SYTL3: variants seen among roughly 807,000 people sequenced by gnomAD.
The protein encoded by SYTL3 is synaptotagmin-like protein 3.
SYTL3 carries 88 observed loss-of-function variants against 82.1 expected under a neutral mutation model. The ratio of observed to expected loss-of-function variants is 1.07; its 90% CI spans 0.90 to 1.28. SYTL3 has a LOEUF of 1.28. Ranked by LOEUF, SYTL3 falls within the 50% of genes most tolerant of loss-of-function variation. The pLI is 0.00. For missense variants in SYTL3, 831 were observed against 757.6 expected, an observed-to-expected ratio of 1.10 and a Z score of -1.14; for synonymous variants, 311 against 289.4, an observed-to-expected ratio of 1.07 and a Z score of -0.76.
intron 6 of SYTL3, among the ~76,000 whole-genome samples, chr6:158,701,742 G>A (rs1196360430): frequency 1.3e-5 from 2 of 151,876 alleles, no homozygotes; most frequent in Admixed American, 1.3e-4. Context: ...CACAACCTGG[G>A]GATCCTCCAA....
chr6:158,754,912 G>T (rs150273849), intron 13 of SYTL3, among the ~76,000 whole-genome samples: 1 of 152,208 alleles, frequency 6.6e-6, no homozygotes, highest in Non-Finnish European at 1.5e-5. Flanking sequence ...TCTAGTAACC[G>T]CTTCATTTCT....
intron 11 of SYTL3, among the ~76,000 whole-genome samples, chr6:158,739,581 T>G (rs1220505446): frequency 1.3e-5 from 2 of 152,090 alleles, no homozygotes; most frequent in Non-Finnish European, 2.9e-5. Context: ...TCTCTCTCTC[T>G]CTGTCTCTTT....
intron 13 of SYTL3, among the ~76,000 whole-genome samples, chr6:158,753,598 C>T (rs947335996): frequency 1.1e-4 from 17 of 151,766 alleles, no homozygotes; most frequent in Admixed American, 2.0e-4. Context: ...GGCGTGGTGG[C>T]GGGCGCCTGT....
chr6:158,763,331 A>T lies in SYTL3; in HGVS notation c.1545A>T (p.Lys515Asn). Reference protein sequence around the residue: ...KGCLTLPDQQKLRLKSPVLRK... With the variant: ...KGCLTLPDQQNLRLKSPVLRK... ...GTCTCACTCTGCCAGACCAACAAAAACTGAGACTGAAGTCGCCAGTCCTGA... is the reference window on the plus strand; with the variant it reads ...GTCTCACTCTGCCAGACCAACAAAATCTGAGACTGAAGTCGCCAGTCCTGA... The change falls in exon 17 of 18, where the codon AAA becomes AAT. Residue 515 changes from lysine (K) to asparagine (N), a missense_variant. Physicochemically the swap from Lys to Asn is moderately conservative, Grantham distance 94. Coordinates refer to ENST00000611299, the MANE Select transcript of SYTL3 (RefSeq NM_001242394.2). The T allele has an allele frequency of 6.2e-7, 1 of 1,614,212 alleles. No individual in the cohort carries two copies. The highest frequency in any genetic ancestry group is 8.5e-7 in the Non-Finnish European group (1 of 1,180,048).
In SYTL3 at chr6:158,745,676, A is replaced by G; in HGVS notation, c.1034+18A>G. On this transcript the variant is annotated intron_variant, in intron 12 of 17. Transcript: ENST00000611299. The stretch of plus-strand genomic sequence containing the variant: ...TGCAATCCGTAAGTTGTTTTTTTTA[A>G]GTTTAACATGAGACATATTGATTCC... 1 of 1,572,982 alleles carries G rather than the reference A, an allele frequency of 6.4e-7. No individual in the cohort carries two copies. The highest frequency in any genetic ancestry group is 1.2e-5 in the South Asian group (1 of 84,722).
chr6:158,708,983 C>T (rs537230266), intron 8 of SYTL3, among the ~76,000 whole-genome samples: 13 of 152,312 alleles, frequency 8.5e-5, no homozygotes, highest in East Asian at 1.9e-4. Context: ...CGGTGGCTCA[C>T]GCCAGCACTT....
chr6:158,725,658 C>CT (rs765956854), intron 11 of SYTL3, 21 bp downstream of exon 11: 14 of 1,599,094 alleles, frequency 8.8e-6, no homozygotes, highest in Middle Eastern at 1.7e-4. Context: ...TTCCAATGCT[C>CT]TTTTTTTGTT....
At chr6:158,683,215 C>CTT (rs35183958) in intron 6 of SYTL3, among the ~76,000 whole-genome samples, 1,850 of 91,802 alleles carry the variant, frequency 0.02, 2 homozygotes, top group East Asian at 0.024. Context: ...GGCCCTATTC[C>CTT]TTTTTTTTTT....
chr6:158,707,098 C>G, intron 6 of SYTL3, 132 bp from the exon 7 acceptor site: 2 of 940,382 alleles, frequency 2.1e-6, no homozygotes, highest in Non-Finnish European at 3.2e-6. Flanking sequence ...TCTATCACCT[C>G]AAAATGATCT....
At chr6:158,761,498 C>T (rs1236628163) in intron 15 of SYTL3, among the ~76,000 whole-genome samples, 2 of 151,754 alleles carry the variant, frequency 1.3e-5, no homozygotes, top group South Asian at 2.1e-4. Context: ...TAAGTAGAGA[C>T]AGGGTTTCAC....
chr6:158,713,276 G>A (rs568690384), intron 8 of SYTL3, among the ~76,000 whole-genome samples: 2 of 152,280 alleles, frequency 1.3e-5, no homozygotes, highest in South Asian at 4.1e-4. Context: ...CTTGGATAAG[G>A]AAGTGAACTC....
At chr6:158,657,396 A>G (rs1482541274) in intron 2 of SYTL3, among the ~76,000 whole-genome samples, 1 of 142,832 alleles carries the variant, frequency 7.0e-6, no homozygotes, top group Non-Finnish European at 1.5e-5. Flanking sequence ...ATTGCACTCC[A>G]GCCTGGGTGG....
Position 158,727,513 on chromosome 6 carries a change from C to T in SYTL3, c.855+1876C>T, listed in dbSNP as rs144920749. Among the ~76,000 whole-genome samples, 121 of 151,938 alleles carry T rather than the reference C, an allele frequency of 8.0e-4. 1 individual carries two copies. Among genetic ancestry groups the T allele is most frequent in the African/African-American group, 2.8e-3 (114 of 41,412 alleles). On this transcript the variant is annotated intron_variant, in intron 11 of 17. Coordinates refer to ENST00000611299, the MANE Select transcript of SYTL3 (RefSeq NM_001242394.2). ...CTTTTAAATGGGTCAAACAGGTGTT[C>T]GGCCATGAGGCTTTATTAGGAAGAA... is the stretch of plus-strand genomic sequence containing the variant.
chr6:158,763,272 C>T, intron 16 of SYTL3, 32 bp from the exon 17 acceptor site: 1 of 1,606,600 alleles, frequency 6.2e-7, no homozygotes, highest in Non-Finnish European at 8.5e-7. Flanking sequence ...GTGTGGATGG[C>T]AATGATTGCA....
At chr6:158,704,190 A>G (rs1048243129) in intron 6 of SYTL3, among the ~76,000 whole-genome samples, 12 of 152,178 alleles carry the variant, frequency 7.9e-5, no homozygotes, top group Non-Finnish European at 1.2e-4. Flanking sequence ...ACACATTCAA[A>G]TTTCAGTGCC....
intron 11 of SYTL3, among the ~76,000 whole-genome samples, chr6:158,728,900 C>T (rs142705620): frequency 7.2e-5 from 11 of 152,108 alleles, no homozygotes; most frequent in East Asian, 5.8e-4. Context: ...ATTAGCCAGG[C>T]GTGATGGCAG....
chr6:158,663,381 A>G lies in SYTL3; in HGVS notation c.110+3A>G. 1 of 1,612,980 alleles carries G rather than the reference A, an allele frequency of 6.2e-7. No homozygotes were observed. Among genetic ancestry groups the G allele is most frequent in the Non-Finnish European group, 8.5e-7 (1 of 1,179,814 alleles). The stretch of plus-strand genomic sequence containing the variant: ...AACACAGAGGAGGAGAGGACACGGT[A>G]GGCTGCCCTTCCCGGGGGGTCACTT... On this transcript the variant is annotated splice_donor_region_variant and intron_variant, in intron 4 of 17. Coordinates refer to ENST00000611299, the MANE Select transcript of SYTL3 (RefSeq NM_001242394.2).
chr6:158,713,967 C>A, intron 9 of SYTL3, 89 bp downstream of exon 9: 1 of 904,162 alleles, frequency 1.1e-6, no homozygotes, highest in Non-Finnish European at 1.8e-6. Flanking sequence ...CCTCGGTTGA[C>A]ACTGTCCCTC....
In SYTL3 at chr6:158,726,058, A is replaced by G. The variant is rs1784689040; in HGVS notation, c.855+421A>G. ...CCAATCTCATGTGTTAAAATCTTACAGGATCAATGTAGTGAAACATTAGTT... is the reference window on the plus strand; with the variant it reads ...CCAATCTCATGTGTTAAAATCTTACGGGATCAATGTAGTGAAACATTAGTT... On this transcript the variant is annotated intron_variant, in intron 11 of 17. Transcript: ENST00000611299. The G allele has an allele frequency of 4.6e-5, 25 of 546,988 alleles. 1 individual carries two copies. The highest frequency in any genetic ancestry group is 3.7e-4 in the South Asian group (23 of 62,380). The allele number at this position is 546,988 out of a possible 1,614,324, so 33.9% of individuals were successfully genotyped here.
Sources: allele counts gnomAD v4.1 joint callset (sites outside exome capture counted in the v4.1 genomes callset), GRCh38; gene constraint gnomAD v4.1.1; transcripts MANE v1.5; gene names NCBI Gene and HGNC (gene_info 2026-07-23, HGNC 2026-07-21).